ATAD2: variants seen among roughly 807,000 people sequenced by gnomAD.
The protein encoded by ATAD2 is ATPase family AAA domain-containing protein 2.
In ATAD2, 62 loss-of-function variants were observed where a neutral mutation model predicts 168.9. That is an observed-to-expected ratio of 0.37 (90% CI 0.30 to 0.45). The LOEUF is 0.45. ATAD2 is among the 20% of genes least tolerant of loss of function. The pLI, the probability that ATAD2 is intolerant of heterozygous loss-of-function variation, is 1.00. For missense variants in ATAD2, 1,419 were observed against 1,667.8 expected (o/e 0.85, Z 2.60); for synonymous variants, 613 against 571.6 (o/e 1.07, Z -1.03).
intron 27 of ATAD2, 77 bp downstream of exon 27, chr8:123,322,861 C>A: frequency 1.4e-6 from 2 of 1,430,864 alleles, no homozygotes; most frequent in South Asian, 1.4e-5. Context: ...TTAAATAAAG[C>A]CTCAACAATC....
chr8:123,332,403 C>G (rs1334651818), intron 24 of ATAD2, among the ~76,000 whole-genome samples: 1 of 152,174 alleles, frequency 6.6e-6, no homozygotes, highest in African/African-American at 2.4e-5. Context: ...CCAAATCACC[C>G]TTATTCTAAT....
At chr8:123,356,709 G>A (rs768619836) in intron 12 of ATAD2, among the ~76,000 whole-genome samples, 9 of 150,404 alleles carry the variant, frequency 6.0e-5, no homozygotes, top group South Asian at 4.2e-4. Context: ...GTGCAGTGGC[G>A]TGATCTTGGC....
intron 2 of ATAD2, among the ~76,000 whole-genome samples, chr8:123,375,885 A>G (rs188116362): frequency 1.3e-5 from 2 of 151,066 alleles, no homozygotes; most frequent in African/African-American, 4.9e-5. Context: ...AGACAGGTGG[A>G]TCACAAGGTC....
Position 123,369,918 on chromosome 8 carries a change from T to TTCATCATCATCATCA in ATAD2, c.819_833dup (p.Asp273_Asp277dup), listed in dbSNP as rs113064839. On this transcript the variant is annotated inframe_insertion, in exon 7 of 28. Coordinates refer to ENST00000287394, the MANE Select transcript of ATAD2 (RefSeq NM_014109.4). ...CTCCATCTTCTTCATCTTCATCATC[T>TTCATCATCATCATCA]TCATCATCATCATCATCATCATCAT... 1.9e-6 allele frequency: 3 copies of TTCATCATCATCATCA among 1,567,900 alleles called. No homozygotes were observed. Among genetic ancestry groups the TTCATCATCATCATCA allele is most frequent in the African/African-American group, 1.4e-5 (1 of 71,324 alleles).
chr8:123,341,850 G>A (rs1346187903), intron 19 of ATAD2, among the ~76,000 whole-genome samples: 1 of 152,162 alleles, frequency 6.6e-6, no homozygotes, highest in Non-Finnish European at 1.5e-5. Context: ...AAGAAAACAG[G>A]CCGAGCACAG....
At chr8:123,372,527 C>T (rs1829178848) in intron 3 of ATAD2, 110 bp downstream of exon 3, 2 of 810,596 alleles carry the variant, frequency 2.5e-6, no homozygotes, top group African/African-American at 1.8e-5. Flanking sequence ...TAAAACCTAA[C>T]AAATTATACA....
intron 26 of ATAD2, among the ~76,000 whole-genome samples, chr8:123,325,521 C>T (rs999549127): frequency 1.1e-4 from 16 of 151,956 alleles, no homozygotes; most frequent in African/African-American, 3.6e-4. Context: ...CTCCTGACCT[C>T]GTGATCCGCC....
chr8:123,394,739 A>C (rs1269054086), intron 1 of ATAD2, among the ~76,000 whole-genome samples: 3 of 152,248 alleles, frequency 2.0e-5, no homozygotes, highest in Non-Finnish European at 4.4e-5. Context: ...ATAATCAATC[A>C]GTATTGAAAC....
Position 123,402,208 on chromosome 8 carries a change from G to A in ATAD2, c.-2281-1033C>T, listed in dbSNP as rs536611043. The A allele has an allele frequency of 2.9e-5, 18 of 620,744 alleles. No homozygotes were observed. Among genetic ancestry groups the A allele is most frequent in the Admixed American group, 1.2e-4 (5 of 41,642 alleles). The allele number at this position is 620,744 out of a possible 1,614,324, so 38.5% of individuals were successfully genotyped here. ...TGAGTGGTCCACAGATTTGCACTAC[G>A]GGTTCCCCAGCTCCTTTCCAGGGAG... On this transcript the variant is annotated intron_variant, in intron 1 of 28. Coordinates refer to the ATAD2 transcript ENST00000521903. The surrounding 1 kb of genome is among the most constrained non-coding windows in gnomAD (Gnocchi z 4.8).
chr8:123,356,345 A>G (rs1828645773), intron 13 of ATAD2, 44 bp downstream of exon 13: 6 of 1,495,962 alleles, frequency 4.0e-6, no homozygotes, highest in Non-Finnish European at 5.6e-6. Context: ...AATACCACTC[A>G]GGAAATAGGA....
At chr8:123,387,317 A>G (rs1829672871) in intron 1 of ATAD2, among the ~76,000 whole-genome samples, 1 of 152,044 alleles carries the variant, frequency 6.6e-6, no homozygotes, top group South Asian at 2.1e-4. Flanking sequence ...GTTGCCTGCA[A>G]TTTTTTCTGA....
At chr8:123,333,522 G>T (rs1827835368) in intron 24 of ATAD2, among the ~76,000 whole-genome samples, 1 of 151,708 alleles carries the variant, frequency 6.6e-6, no homozygotes, top group South Asian at 2.1e-4. Flanking sequence ...GGGGCTTAAA[G>T]AACAAAAATT....
Position 123,351,748 on chromosome 8 carries a change from G to GTT in ATAD2, c.1647-2306_1647-2305dup, listed in dbSNP as rs987980082. Reference sequence around the variant, plus strand: ...ATTAAAAACATTATTAAAAACTGATGTTTTTTTTTTTTTTTTTGAGACGGA... The same window carrying GTT: ...ATTAAAAACATTATTAAAAACTGATGTTTTTTTTTTTTTTTTTTTGAGACGGA... On this transcript the variant is annotated intron_variant, in intron 13 of 27. Coordinates refer to ENST00000287394, the MANE Select transcript of ATAD2 (RefSeq NM_014109.4). 1.7e-3 allele frequency among the ~76,000 whole-genome samples: 227 copies of GTT among 134,670 alleles called. 1 individual carries two copies. Among genetic ancestry groups the GTT allele is most frequent in the East Asian group, 0.012 (56 of 4,694 alleles). 88.3% of individuals were successfully genotyped at this position (134,670 alleles called of 152,430 possible). A position where few individuals can be genotyped will look rare whatever the true frequency, so the allele number is the denominator to read the frequency against.
intron 1 of ATAD2, among the ~76,000 whole-genome samples, chr8:123,389,879 C>A (rs2129934166): frequency 6.9e-6 from 1 of 145,290 alleles, no homozygotes; most frequent in Middle Eastern, 3.6e-3. Context: ...AGTTTATAAA[C>A]AGGAGAAATA....
chr8:123,378,863 C>G (rs188628337), intron 2 of ATAD2, among the ~76,000 whole-genome samples: 2 of 151,440 alleles, frequency 1.3e-5, no homozygotes, highest in African/African-American at 4.8e-5. Flanking sequence ...ATGATTATAG[C>G]TCACTGCAGC....
At position 123,334,262 on chromosome 8, in the gene ATAD2, T is replaced by C. The variant is rs1181122858; in HGVS notation, c.3272A>G (p.Glu1091Gly). 5 of 1,603,406 alleles carry C rather than the reference T, an allele frequency of 3.1e-6. No homozygotes were observed. The highest frequency in any genetic ancestry group is 4.2e-6 in the Non-Finnish European group (5 of 1,177,402). The change falls in exon 23 of 28, where the codon GAA becomes GGA. Residue 1091 changes from glutamate to glycine, a missense_variant. This residue lies in a region of ATAD2 where 545 missense variants were observed against 724.9 expected (regional missense o/e 0.75). Coordinates refer to ENST00000287394, the MANE Select transcript of ATAD2 (RefSeq NM_014109.4). ...LRDTAYAIIK[E>G]ELDEDFEQLC... is the part of the protein sequence containing the mutation. Reference sequence around the variant, plus strand: ...CTGCTCAAAGTCTTCATCAAGTTCTTCTTTAATTATGGCATAGGCAGTATC... The same window carrying C: ...CTGCTCAAAGTCTTCATCAAGTTCTCCTTTAATTATGGCATAGGCAGTATC...
intron 20 of ATAD2, among the ~76,000 whole-genome samples, chr8:123,338,828 G>A (rs976303445): frequency 2.6e-5 from 4 of 152,130 alleles, no homozygotes; most frequent in African/African-American, 7.2e-5. Flanking sequence ...AGCCCAGGAG[G>A]TTGAGGCTGC....
intron 1 of ATAD2, among the ~76,000 whole-genome samples, chr8:123,405,245 T>C (rs1813053437): frequency 1.4e-5 from 2 of 143,270 alleles, no homozygotes; most frequent in African/African-American, 2.5e-5. Flanking sequence ...GTTTTCTTTT[T>C]CATTTTCTTT....
intron 18 of ATAD2, 45 bp downstream of exon 18, chr8:123,346,041 C>A: frequency 7.3e-7 from 1 of 1,366,446 alleles, no homozygotes; most frequent in Admixed American, 2.9e-5. Context: ...TAGCTTTTGC[C>A]TCTGAAAGCC....
Sources: gnomAD v4.1 joint callset for allele counts (sites outside exome capture counted in the v4.1 genomes callset) on GRCh38, gnomAD v4.1.1 for gene constraint, gnomAD v4.1.1 regional missense constraint, Gnocchi (gnomAD v3.1) non-coding constraint, MANE v1.5 for transcripts, NCBI Gene and HGNC (gene_info 2026-07-23, HGNC 2026-07-21) for gene names.